The following PHF24 variants were observed in gnomAD, a reference collection of about 807,000 sequenced individuals.
PHF24 encodes the protein PHD finger protein 24.
A neutral mutation model predicts 42.6 loss-of-function variants in PHF24; 25 were observed. That is an observed-to-expected ratio of 0.59 (90% confidence interval 0.43 to 0.82). PHF24 has a LOEUF of 0.82. Among genes scored for constraint, PHF24 ranks in the 40% least tolerant of loss-of-function variants. The probability of loss-of-function intolerance (pLI) is 0.00; values close to 1 mark genes in which losing one functional copy is unlikely to be tolerated. For missense variants in PHF24, 470 were observed against 538.1 expected, an observed-to-expected ratio of 0.87 and a Z score of 1.25; for synonymous variants, 185 against 204.8, an observed-to-expected ratio of 0.90 and a Z score of 0.83.
At chr9:34,884,279 C>T in the PHF24 span, among the ~76,000 whole-genome samples, 3 of 151,894 alleles carry the variant, frequency 2.0e-5, no homozygotes, top group Admixed American at 1.3e-4. Flanking sequence ...ATGTAAATGA[C>T]GAGTTAATGG....
At chr9:34,933,299 TTTC>T in the PHF24 span, among the ~76,000 whole-genome samples, 2 of 152,186 alleles carry the variant, frequency 1.3e-5, no homozygotes, top group Admixed American at 6.5e-5. Flanking sequence ...TTACACAGAT[TTTC>T]TTATGATATT....
intron 1 of PHF24, among the ~76,000 whole-genome samples, chr9:34,964,378 C>T (rs113502069): frequency 1.3e-5 from 2 of 152,120 alleles, no homozygotes; most frequent in East Asian, 1.9e-4. Flanking sequence ...ACCCTAGAAC[C>T]ACCCTCCATC....
chr9:34,779,329 G>T, the PHF24 span, among the ~76,000 whole-genome samples: 3 of 152,070 alleles, frequency 2.0e-5, no homozygotes, highest in East Asian at 5.8e-4. Flanking sequence ...GATTAAATTA[G>T]TAATTAAGAA....
the PHF24 span, among the ~76,000 whole-genome samples, chr9:34,721,249 G>C: frequency 1.3e-5 from 2 of 152,272 alleles, no homozygotes; most frequent in Admixed American, 6.5e-5. Flanking sequence ...TCCACTGGAT[G>C]TTTTCCATTA....
the PHF24 span, among the ~76,000 whole-genome samples, chr9:34,825,154 G>A: frequency 5.9e-5 from 9 of 151,840 alleles, no homozygotes; most frequent in African/African-American, 1.9e-4. Context: ...GTGTCTACGT[G>A]GTTTGTTCTT....
At chr9:34,788,361 C>T in the PHF24 span, among the ~76,000 whole-genome samples, 33 of 152,068 alleles carry the variant, frequency 2.2e-4, no homozygotes, top group Admixed American at 1.8e-3. Context: ...CTGTTTTTAA[C>T]ATTTGCAAAA....
the PHF24 span, among the ~76,000 whole-genome samples, chr9:34,702,247 G>A: frequency 6.6e-6 from 1 of 151,958 alleles, no homozygotes; most frequent in Non-Finnish European, 1.5e-5. Context: ...AAATGAGAAT[G>A]GAAAATTCAA....
chr9:34,963,588 A>G (rs553353849), intron 1 of PHF24, among the ~76,000 whole-genome samples: 6 of 152,332 alleles, frequency 3.9e-5, no homozygotes, highest in African/African-American at 1.4e-4. Context: ...CCTTAAGGCA[A>G]CTGCCCTCCT....
chr9:34,791,468 C>T, the PHF24 span, among the ~76,000 whole-genome samples: 1 of 151,766 alleles, frequency 6.6e-6, no homozygotes, highest in East Asian at 1.9e-4. Context: ...GCATATATTA[C>T]TATTGAATAC....
exon 8 of PHF24, chr9:34,978,203 A>G (rs567594057): frequency 8.1e-6 from 8 of 993,730 alleles, no homozygotes; most frequent in Admixed American, 5.4e-5. Flanking sequence ...ACAGAGACTC[A>G]TGGGGTTGGG....
At chr9:34,757,011 TCTC>T in the PHF24 span, among the ~76,000 whole-genome samples, 1 of 152,072 alleles carries the variant, frequency 6.6e-6, no homozygotes, top group African/African-American at 2.4e-5. Context: ...TTCAAGCAAT[TCTC>T]CTGCCTCAGC....
the PHF24 span, among the ~76,000 whole-genome samples, chr9:34,902,789 A>G: frequency 2.0e-5 from 3 of 152,230 alleles, no homozygotes; most frequent in East Asian, 5.8e-4. Context: ...ACAGATTTCA[A>G]TTAAGAAAAA....
At chr9:34,767,069 C>T in the PHF24 span, among the ~76,000 whole-genome samples, 1 of 152,144 alleles carries the variant, frequency 6.6e-6, no homozygotes, top group Non-Finnish European at 1.5e-5. Context: ...GAAGTTTTGT[C>T]TCAGAGGAGT....
At chr9:34,823,284 T>G in the PHF24 span, among the ~76,000 whole-genome samples, 3 of 150,092 alleles carry the variant, frequency 2.0e-5, no homozygotes, top group Non-Finnish European at 4.4e-5. Context: ...CTTTCCAGCC[T>G]GGCACTGCCT....
chr9:34,778,654 A>T, the PHF24 span, among the ~76,000 whole-genome samples: 1 of 152,228 alleles, frequency 6.6e-6, no homozygotes, highest in African/African-American at 2.4e-5. Context: ...AGAAATAGAC[A>T]TTTCAACAAT....
intron 1 of PHF24, among the ~76,000 whole-genome samples, chr9:34,969,978 C>T (rs1242322629): frequency 6.6e-6 from 1 of 152,202 alleles, no homozygotes; most frequent in African/African-American, 2.4e-5. Flanking sequence ...GTACTCTCAG[C>T]ACTTTGACTT....
chr9:34,917,091 CCTCCT>C, the PHF24 span: 57 of 732,484 alleles, frequency 7.8e-5, no homozygotes, highest in East Asian at 2.1e-4. Context: ...AGCACAGAGG[CCTCCT>C]CTCCTCTCCT....
chr9:34,724,704 T>C, the PHF24 span: 1 of 1,550,254 alleles, frequency 6.5e-7, no homozygotes, highest in Non-Finnish European at 8.7e-7. Flanking sequence ...CAACTCTCAT[T>C]GTTGCCTTGA....
chr9:34,851,743 G>C, the PHF24 span, among the ~76,000 whole-genome samples: 1 of 152,062 alleles, frequency 6.6e-6, no homozygotes, highest in East Asian at 1.9e-4. Context: ...CGGTCATCTT[G>C]GCTCCCACCC....
Sources: allele counts gnomAD v4.1 joint callset (sites outside exome capture counted in the v4.1 genomes callset), GRCh38; gene constraint gnomAD v4.1.1; transcripts MANE v1.5; gene names NCBI Gene and HGNC (gene_info 2026-07-23, HGNC 2026-07-21).